Variants in CDKN1A observed in about 807,000 individuals in gnomAD.
CDKN1A encodes cyclin-dependent kinase inhibitor 1.
Under a neutral mutation model 14.8 loss-of-function variants are expected in CDKN1A, and 14 were observed. The ratio of observed to expected loss-of-function variants is 0.94; its 90% CI spans 0.62 to 1.48. The LOEUF (loss-of-function observed/expected upper bound fraction) is 1.48, where lower values mean the gene tolerates loss of function less well. Among genes scored for constraint, CDKN1A ranks in the 40% most tolerant of loss-of-function variants. The pLI, the probability that CDKN1A is intolerant of heterozygous loss-of-function variation, is 0.00. For missense variants in CDKN1A, 203 were observed against 231.7 expected (o/e 0.88, Z 0.80); for synonymous variants, 92 against 93.5 (o/e 0.98, Z 0.09).
intron 1 of CDKN1A, among the ~76,000 whole-genome samples, chr6:36,683,816 C>T (rs1307010256): frequency 6.6e-6 from 1 of 152,256 alleles, no homozygotes; most frequent in Non-Finnish European, 1.5e-5. Flanking sequence ...TGGTGGCAAA[C>T]AGGACCCTGG....
At chr6:36,680,297 TCTGCGCGG>T in intron 1 of CDKN1A, among the ~76,000 whole-genome samples, 1 of 140,320 alleles carries the variant, frequency 7.1e-6, no homozygotes, top group African/African-American at 2.6e-5. Flanking sequence ...CGCGTGCGTG[TCTGCGCGG>T]GCGTGTGTGT....
At chr6:36,681,264 T>TTTTCTTTCTCTCTTTCTTTCTTTC (rs1554185328) in intron 1 of CDKN1A, among the ~76,000 whole-genome samples, 1 of 81,800 alleles carries the variant, frequency 1.2e-5, no homozygotes, top group Non-Finnish European at 2.6e-5. Context: ...CCCTAGGTGC[T>TTTTCTTTCTCTCTTTCTTTCTTTC]TTTCTTTCTT....
rs1386332150 is a variant in CDKN1A at position 36,684,997 on chromosome 6, G to A, written c.445+451G>A. ...TGGGACTATAGTTGTACACCACTAC[G>A]CCCGGTTAATTTTTTGAGTTTTTGT... is the stretch of plus-strand genomic sequence containing the variant. On this transcript the variant is annotated intron_variant, in intron 2 of 2. Coordinates refer to ENST00000244741, the MANE Select transcript of CDKN1A (RefSeq NM_000389.5). This position sits in a 1 kb window ranked among gnomAD's most constrained non-coding sequence, Gnocchi z 6.0. Among the ~76,000 whole-genome samples, 1 of 152,022 alleles carries A rather than the reference G, an allele frequency of 6.6e-6. No homozygotes were observed. The highest frequency in any genetic ancestry group is 1.9e-4 in the East Asian group (1 of 5,184).
chr6:36,686,229 C>G lies in CDKN1A; in HGVS notation c.*429C>G, dbSNP rs976121091. ...AAATTCACCCCCTTTCCTGGACACT[C>G]AGACCTGAATTCTTTTTCATTTGAG... On this transcript the variant is annotated 3_prime_UTR_variant, in exon 3 of 3. Coordinates refer to ENST00000244741, the MANE Select transcript of CDKN1A (RefSeq NM_000389.5). The surrounding 1 kb of genome is among the most constrained non-coding windows in gnomAD (Gnocchi z 4.9). 3 of 341,000 alleles carry G rather than the reference C, an allele frequency of 8.8e-6. No homozygotes were observed. Among genetic ancestry groups the G allele is most frequent in the African/African-American group, 6.3e-5 (3 of 47,726 alleles). 21.1% of individuals were successfully genotyped at this position (341,000 alleles called of 1,614,324 possible).
At chr6:36,681,416 TTTC>T (rs1188979931) in intron 1 of CDKN1A, among the ~76,000 whole-genome samples, 5 of 139,384 alleles carry the variant, frequency 3.6e-5, no homozygotes, top group Non-Finnish European at 7.8e-5. Flanking sequence ...TTCCTTTCTC[TTTC>T]TCTCTTTCTT....
chr6:36,681,280 T>TC lies in CDKN1A; in HGVS notation c.-6+2482_-6+2483insC, dbSNP rs1554185351. On this transcript the variant is annotated intron_variant, in intron 1 of 2. Transcript: ENST00000244741. ...CCTAGGTGCTTTTCTTTCTTTCTTT[T>TC]TTTCTTTCTTTCTTTCTTTCTTTCT... 1.2e-4 allele frequency among the ~76,000 whole-genome samples: 14 copies of TC among 112,880 alleles called. 1 individual carries two copies. The highest frequency in any genetic ancestry group is 4.1e-4 in the African/African-American group (12 of 28,944). The allele number at this position is 112,880 out of a possible 152,430, so 74.1% of individuals were successfully genotyped here. A position where few individuals can be genotyped will look rare whatever the true frequency, so the allele number is the denominator to read the frequency against.
upstream of CDKN1A, chr6:36,678,551 G>T: frequency 1.7e-6 from 1 of 573,554 alleles, no homozygotes; most frequent in Non-Finnish European, 2.2e-6. This position sits in a 1 kb window ranked among gnomAD's most constrained non-coding sequence, Gnocchi z 5.7. Context: ...TGGCCTGCTG[G>T]AACTCGGCCA....
At chr6:36,683,864 A>C (rs894387825) in intron 1 of CDKN1A, among the ~76,000 whole-genome samples, 22 of 152,338 alleles carry the variant, frequency 1.4e-4, no homozygotes, top group African/African-American at 5.1e-4. Flanking sequence ...TGTTGACATT[A>C]GCTTGCCCTT....
Position 36,678,848 on chromosome 6 carries a change from G to A in CDKN1A, c.-6+50G>A. 1.0e-6 allele frequency: 1 copy of A among 985,736 alleles called. No individual in the cohort carries two copies. Among genetic ancestry groups the A allele is most frequent in the Non-Finnish European group, 1.2e-6 (1 of 830,152 alleles). The allele number at this position is 985,736 out of a possible 1,614,324, so 61.1% of individuals were successfully genotyped here. ...GGGGACCCCGGGCCGGCGGCCCAGA[G>A]CCGAGCCAAGCGTGCCCGCGTGTGT... On this transcript the variant is annotated intron_variant, in intron 1 of 2. Transcript: ENST00000244741. The surrounding 1 kb of genome is among the most constrained non-coding windows in gnomAD (Gnocchi z 5.7).
At chr6:36,683,519 A>G (rs897634285) in intron 1 of CDKN1A, among the ~76,000 whole-genome samples, 2 of 152,248 alleles carry the variant, frequency 1.3e-5, no homozygotes, top group African/African-American at 2.4e-5. Context: ...TTTAAAGCTT[A>G]CGTAGTAACT....
intron 1 of CDKN1A, among the ~76,000 whole-genome samples, chr6:36,679,721 AG>A (rs1204226162): frequency 1.3e-5 from 2 of 152,150 alleles, no homozygotes; most frequent in African/African-American, 4.8e-5. Flanking sequence ...CAGTCGGGGA[AG>A]GGCAAGGGTC....
chr6:36,678,540 C>A, upstream of CDKN1A: 2 of 441,582 alleles, frequency 4.5e-6, no homozygotes, highest in South Asian at 9.4e-5. The surrounding 1 kb of genome is among the most constrained non-coding windows in gnomAD (Gnocchi z 5.7). Flanking sequence ...CCGGGACCGG[C>A]TGGCCTGCTG....
At chr6:36,677,815 T>C, upstream of CDKN1A, 1 of 1,267,372 alleles carries the variant, frequency 7.9e-7, no homozygotes, top group Non-Finnish European at 1.1e-6. Flanking sequence ...AGCCCCAGTT[T>C]CCCCAGCAGT....
At position 36,686,049 on chromosome 6, in the gene CDKN1A, T is replaced by C; in HGVS notation, c.*249T>C. The C allele has an allele frequency of 1.8e-6, 1 of 560,148 alleles. No individual in the cohort carries two copies. Among genetic ancestry groups the C allele is most frequent in the East Asian group, 3.0e-5 (1 of 33,184 alleles). 34.7% of individuals were successfully genotyped at this position (560,148 alleles called of 1,614,324 possible). On this transcript the variant is annotated 3_prime_UTR_variant, in exon 3 of 3. Coordinates refer to ENST00000244741, the MANE Select transcript of CDKN1A (RefSeq NM_000389.5). This position sits in a 1 kb window ranked among gnomAD's most constrained non-coding sequence, Gnocchi z 4.9. ...GGCATTTTTATTTTATGAAATACTA[T>C]TTAAAGCCTCCTCATCCCGTGTTCT...
intron 1 of CDKN1A, among the ~76,000 whole-genome samples, chr6:36,682,350 G>A (rs1305086020): frequency 6.6e-6 from 1 of 152,242 alleles, no homozygotes; most frequent in African/African-American, 2.4e-5. Context: ...AGCAGAGGGT[G>A]GATAGAGGTT....
chr6:36,686,007 G>A lies in CDKN1A; in HGVS notation c.*207G>A, dbSNP rs529170426. The A allele has an allele frequency of 3.2e-6, 2 of 617,142 alleles. No individual in the cohort carries two copies. The highest frequency in any genetic ancestry group is 1.8e-5 in the African/African-American group (1 of 54,162). 38.2% of individuals were successfully genotyped at this position (617,142 alleles called of 1,614,324 possible). A position where few individuals can be genotyped will look rare whatever the true frequency, so the allele number is the denominator to read the frequency against. ...ACAAAAACTAGGCGGTTGAATGAGA[G>A]GTTCCTAAGAGTGCTGGGCATTTTT... is the stretch of plus-strand genomic sequence containing the variant. On this transcript the variant is annotated 3_prime_UTR_variant, in exon 3 of 3. Transcript: ENST00000244741. The surrounding 1 kb of genome is among the most constrained non-coding windows in gnomAD (Gnocchi z 4.9).
chr6:36,684,134 C>A lies in CDKN1A; in HGVS notation c.33C>A (p.Asn11Lys). 1 of 1,613,274 alleles carries A rather than the reference C, an allele frequency of 6.2e-7. No homozygotes were observed. The highest frequency in any genetic ancestry group is 8.5e-7 in the Non-Finnish European group (1 of 1,179,994). Reference sequence around the variant, plus strand: ...AACCGGCTGGGGATGTCCGTCAGAACCCATGCGGCAGCAAGGCCTGCCGCC... The same window carrying A: ...AACCGGCTGGGGATGTCCGTCAGAAACCATGCGGCAGCAAGGCCTGCCGCC... MSEPAGDVRQ[N>K]PCGSKACRRL... Residue 11 changes from asparagine (N) to lysine (K), a missense_variant, in exon 2 of 3, where the codon AAC becomes AAA. Coordinates refer to ENST00000244741, the MANE Select transcript of CDKN1A (RefSeq NM_000389.5). The surrounding 1 kb of genome is among the most constrained non-coding windows in gnomAD (Gnocchi z 6.0).
chr6:36,680,080 A>G (rs914184352), intron 1 of CDKN1A, among the ~76,000 whole-genome samples: 1 of 152,092 alleles, frequency 6.6e-6, no homozygotes, highest in Admixed American at 6.5e-5. Flanking sequence ...CCTCTTCGTG[A>G]GGAAAAGCAT....
At chr6:36,676,601 T>C (rs1458488185), upstream of CDKN1A, 4 of 152,110 alleles carry the variant, frequency 2.6e-5, no homozygotes, top group African/African-American at 9.7e-5. Context: ...CTGAACAGGG[T>C]ATGTGATCTG....
Sources: gnomAD v4.1 joint callset for allele counts (sites outside exome capture counted in the v4.1 genomes callset) on GRCh38, gnomAD v4.1.1 for gene constraint, Gnocchi (gnomAD v3.1) non-coding constraint, MANE v1.5 for transcripts, NCBI Gene and HGNC (gene_info 2026-07-23, HGNC 2026-07-21) for gene names.